The following FHIT variants were observed in gnomAD, a reference collection of about 807,000 sequenced individuals.
The protein encoded by FHIT is fragile histidine triad diadenosine triphosphatase.
A neutral mutation model predicts 17.9 loss-of-function variants in FHIT; 19 were observed. That is an observed-to-expected ratio of 1.06 (90% CI 0.74 to 1.56). The LOEUF (loss-of-function observed/expected upper bound fraction) is 1.56, where lower values mean the gene tolerates loss of function less well. Among genes scored for constraint, FHIT ranks in the 40% most tolerant of loss-of-function variants. The pLI, the probability that FHIT is intolerant of heterozygous loss-of-function variation, is 0.00. For synonymous variants in FHIT, 81 were observed against 69.7 expected (o/e 1.16, Z -0.81); for missense variants, 248 against 189.2 (o/e 1.31, Z -1.82).
intron 2 of FHIT, among the ~76,000 whole-genome samples, chr3:61,048,146 G>A: frequency 6.6e-6 from 1 of 152,034 alleles, no homozygotes; most frequent in Non-Finnish European, 1.5e-5. Context: ...AAACTCAAGA[G>A]CTTCTGCACA....
rs184569211 is a variant in FHIT, at chr3:61,198,085, T to C, written c.-164+2532A>G. ...CATTTTAATTGTAAACCTCCAAACATACCATATTTATTCCAGATCTAGCTC... is the reference window on the plus strand; with the variant it reads ...CATTTTAATTGTAAACCTCCAAACACACCATATTTATTCCAGATCTAGCTC... On this transcript the variant is annotated intron_variant, in intron 2 of 9. Transcript: ENST00000492590. Among the ~76,000 whole-genome samples, 16 of 152,208 alleles carry C rather than the reference T, an allele frequency of 1.1e-4. No homozygotes were observed. The East Asian group carries it at 2.9e-3, about 28-fold the overall frequency.
intron 5 of FHIT, among the ~76,000 whole-genome samples, chr3:60,303,744 G>A (rs528660593): frequency 1.3e-5 from 2 of 152,244 alleles, no homozygotes; most frequent in African/African-American, 4.8e-5. Context: ...TAGAACCTCC[G>A]CAGGCTTTGC....
At chr3:59,770,483 G>T (rs1477471811) in intron 8 of FHIT, among the ~76,000 whole-genome samples, 3 of 152,142 alleles carry the variant, frequency 2.0e-5, no homozygotes, top group African/African-American at 7.2e-5. Context: ...GGCAAAGATT[G>T]GGGTGACGGA....
At chr3:61,042,673 T>C (rs1292934763) in intron 2 of FHIT, among the ~76,000 whole-genome samples, 2 of 151,946 alleles carry the variant, frequency 1.3e-5, no homozygotes, top group Non-Finnish European at 2.9e-5. Context: ...ACCCTGTCTC[T>C]ACTAAAAATA....
In FHIT at chr3:60,991,756, G is replaced by A. The variant is rs1327855196; in HGVS notation, c.-111+50291C>T. 3.3e-5 allele frequency among the ~76,000 whole-genome samples: 5 copies of A among 152,138 alleles called. No individual in the cohort carries two copies. The South Asian group carries it at 6.2e-4, about 19-fold the overall frequency. ...GATATAACACATAATACAGAGTAGT[G>A]TTAGTGCCTAGTACTTGATACATAT... On this transcript the variant is annotated intron_variant, in intron 3 of 9. Coordinates refer to ENST00000492590, the MANE Select transcript of FHIT (RefSeq NM_002012.4).
At chr3:60,509,377 A>G (rs1429966307) in intron 5 of FHIT, among the ~76,000 whole-genome samples, 1 of 152,202 alleles carries the variant, frequency 6.6e-6, no homozygotes, top group African/African-American at 2.4e-5. Flanking sequence ...CTTGTGTACT[A>G]TTACATAAGT....
rs978747603 is a variant in FHIT at position 60,108,179 on chromosome 3, T to A, written c.104-94027A>T. 2.6e-5 allele frequency among the ~76,000 whole-genome samples: 4 copies of A among 152,212 alleles called. No homozygotes were observed. The South Asian group carries it at 8.3e-4, about 31-fold the overall frequency. ...TTAAGTTAAAAGCTAATTCAATGTG[T>A]CCACTTCGGGGTTATTTCCATCATA... On this transcript the variant is annotated intron_variant, in intron 5 of 9. Transcript: ENST00000492590.
chr3:60,102,142 C>T (rs1328005235), intron 5 of FHIT, among the ~76,000 whole-genome samples: 1 of 152,184 alleles, frequency 6.6e-6, no homozygotes, highest in East Asian at 1.9e-4. Context: ...ACCTGGCACA[C>T]AATAGGTGTT....
intron 5 of FHIT, among the ~76,000 whole-genome samples, chr3:60,167,451 G>C (rs543984898): frequency 1.3e-5 from 2 of 152,098 alleles, no homozygotes; most frequent in African/African-American, 4.8e-5. Flanking sequence ...TTGCAGTTTA[G>C]ACTCTTAATT....
intron 4 of FHIT, among the ~76,000 whole-genome samples, chr3:60,608,798 A>C (rs1167786050): frequency 1.3e-5 from 2 of 152,220 alleles, no homozygotes; most frequent in African/African-American, 4.8e-5. Flanking sequence ...TCATGTAAAG[A>C]GAGAGACCTA....
intron 5 of FHIT, among the ~76,000 whole-genome samples, chr3:60,480,527 C>T (rs1369788078): frequency 1.3e-5 from 2 of 152,170 alleles, no homozygotes; most frequent in African/African-American, 4.8e-5. Context: ...AACTCAAAAA[C>T]AAGTTAGTTA....
chr3:60,324,367 G>T (rs1201158834), intron 5 of FHIT, among the ~76,000 whole-genome samples: 2 of 151,542 alleles, frequency 1.3e-5, no homozygotes, highest in Non-Finnish European at 2.9e-5. Context: ...GGTGAATCAT[G>T]AGGTCAGGAG....
At chr3:60,485,518 C>T (rs1251423191) in intron 5 of FHIT, among the ~76,000 whole-genome samples, 4 of 152,108 alleles carry the variant, frequency 2.6e-5, no homozygotes. Context: ...ATGGAAGAAG[C>T]TGGAAGCCAT....
intron 2 of FHIT, among the ~76,000 whole-genome samples, chr3:61,115,971 G>GCA (rs768515589): frequency 3.9e-5 from 6 of 152,090 alleles, no homozygotes; most frequent in Non-Finnish European, 8.8e-5. Flanking sequence ...TTTATTAGCT[G>GCA]CACCAGATGG....
intron 5 of FHIT, among the ~76,000 whole-genome samples, chr3:60,230,128 G>T (rs116577199): frequency 1.3e-5 from 2 of 152,096 alleles, no homozygotes; most frequent in Admixed American, 6.5e-5. Context: ...ATTGAATAAC[G>T]TTAAAATTTT....
At chr3:60,438,868 T>C (rs925178447) in intron 5 of FHIT, among the ~76,000 whole-genome samples, 9 of 152,112 alleles carry the variant, frequency 5.9e-5, no homozygotes, top group African/African-American at 1.9e-4. Context: ...CTGTACAATC[T>C]AGTTCCATCA....
chr3:61,241,445 A>T (rs1394032367), intron 1 of FHIT, among the ~76,000 whole-genome samples: 1 of 152,242 alleles, frequency 6.6e-6, no homozygotes, highest in Non-Finnish European at 1.5e-5. Context: ...TTTCAAAACT[A>T]AGATGTGGGA....
intron 5 of FHIT, among the ~76,000 whole-genome samples, chr3:60,457,117 T>C (rs900771476): frequency 4.6e-5 from 7 of 152,100 alleles, no homozygotes; most frequent in South Asian, 4.2e-4. Context: ...GAGCCCGTAT[T>C]GCCAAGTCAA....
chr3:60,194,285 T>C (rs573484321), intron 5 of FHIT, among the ~76,000 whole-genome samples: 1 of 152,190 alleles, frequency 6.6e-6, no homozygotes, highest in East Asian at 1.9e-4. Context: ...TAAAGCTAAA[T>C]ACTTAGGACC....
Sources: allele counts gnomAD v4.1 joint callset (sites outside exome capture counted in the v4.1 genomes callset), GRCh38; gene constraint gnomAD v4.1.1; transcripts MANE v1.5; gene names NCBI Gene and HGNC (gene_info 2026-07-23, HGNC 2026-07-21).